MYO1E: variants seen among roughly 807,000 people sequenced by gnomAD.
The protein encoded by MYO1E is myosin IE.
Under a neutral mutation model 151.1 loss-of-function variants are expected in MYO1E, and 68 were observed. The ratio of observed to expected loss-of-function variants is 0.45; its 90% CI spans 0.37 to 0.55. The LOEUF is 0.55. Among genes scored for constraint, MYO1E ranks in the 20% least tolerant of loss-of-function variants. The pLI is 0.00. For missense variants in MYO1E, 1,363 were observed against 1,389.3 expected (o/e 0.98, Z 0.30); for synonymous variants, 601 against 501.7 (o/e 1.20, Z -2.64).
At chr15:59,335,686 T>C (rs1431593091) in intron 1 of MYO1E, among the ~76,000 whole-genome samples, 1 of 152,144 alleles carries the variant, frequency 6.6e-6, no homozygotes, top group East Asian at 1.9e-4. Context: ...ATATTAGACC[T>C]CATGCCTCAG....
intron 1 of MYO1E, among the ~76,000 whole-genome samples, chr15:59,277,905 C>T (rs2140386720): frequency 6.6e-6 from 1 of 152,264 alleles, no homozygotes; most frequent in African/African-American, 2.4e-5. Context: ...TTTGTTGGTA[C>T]TTTTGGGGAG....
intron 5 of MYO1E, among the ~76,000 whole-genome samples, chr15:59,236,363 A>AAAAAAT (rs1387709265): frequency 2.1e-4 from 13 of 60,812 alleles, no homozygotes; most frequent in African/African-American, 5.7e-4. Context: ...AAAAAAAAAA[A>AAAAAAT]ATATATACAC....
intron 5 of MYO1E, among the ~76,000 whole-genome samples, chr15:59,235,911 T>G (rs1201062208): frequency 7.2e-5 from 11 of 152,248 alleles, no homozygotes; most frequent in African/African-American, 2.7e-4. Flanking sequence ...TGCATTTTTC[T>G]TCTTATCATG....
chr15:59,342,079 G>A (rs1437569715), intron 1 of MYO1E, among the ~76,000 whole-genome samples: 7 of 152,192 alleles, frequency 4.6e-5, no homozygotes, highest in Non-Finnish European at 7.3e-5. Context: ...TTTTACTTGG[G>A]TGAGATGATA....
At chr15:59,187,802 G>C (rs2079707660) in intron 18 of MYO1E, among the ~76,000 whole-genome samples, 1 of 152,232 alleles carries the variant, frequency 6.6e-6, no homozygotes, top group Non-Finnish European at 1.5e-5. Flanking sequence ...TATGTTCAGT[G>C]AAAGAAGTCA....
intron 18 of MYO1E, among the ~76,000 whole-genome samples, chr15:59,178,801 C>T (rs1391708499): frequency 1.3e-5 from 2 of 152,230 alleles, no homozygotes; most frequent in Admixed American, 6.5e-5. Context: ...AACCTGCGTA[C>T]TCTTTCTACC....
intron 18 of MYO1E, among the ~76,000 whole-genome samples, 187 bp downstream of exon 18, chr15:59,187,931 C>T (rs1181495443): frequency 1.3e-5 from 2 of 152,122 alleles, no homozygotes; most frequent in Non-Finnish European, 2.9e-5. Context: ...AGGTTGACAA[C>T]AAAGGGAAGC....
chr15:59,348,875 CCCACCTAGGCCTCCCA>C (rs1226472329), intron 1 of MYO1E: 1 of 152,246 alleles, frequency 6.6e-6, no homozygotes, highest in African/African-American at 2.4e-5. Context: ...AGGTGATCCG[CCCACCTAGGCCTCCCA>C]AAGTGCTGGG....
At chr15:59,175,972 A>G (rs1317664400) in intron 19 of MYO1E, among the ~76,000 whole-genome samples, 6 of 152,234 alleles carry the variant, frequency 3.9e-5, no homozygotes, top group Admixed American at 3.3e-4. Context: ...AACACACAAA[A>G]CAACCTTAAA....
In MYO1E at chr15:59,281,276, C is replaced by CT. The variant is rs1462934359; in HGVS notation, c.4-8828dup. On this transcript the variant is annotated intron_variant, in intron 1 of 27. Transcript: ENST00000288235. ...TTTCCTTTTCTTTTCTTTTTCTTTTCTTTCTTTTTTTTTTTCTGAGAAAGA... is the reference window on the plus strand; with the variant it reads ...TTTCCTTTTCTTTTCTTTTTCTTTTCTTTTCTTTTTTTTTTTCTGAGAAAGA... Among the ~76,000 whole-genome samples the CT allele has an allele frequency of 6.8e-4, 101 of 148,570 alleles. 1 individual carries two copies. The highest frequency in any genetic ancestry group is 7.0e-3 in the Middle Eastern group (2 of 284).
chr15:59,247,356 G>A (rs1182712865), intron 4 of MYO1E, among the ~76,000 whole-genome samples: 1 of 152,154 alleles, frequency 6.6e-6, no homozygotes, highest in African/African-American at 2.4e-5. Context: ...TGGGAAATTT[G>A]AGACCTAGAG....
intron 6 of MYO1E, among the ~76,000 whole-genome samples, chr15:59,231,149 G>A (rs1444823857): frequency 6.6e-6 from 1 of 152,222 alleles, no homozygotes; most frequent in African/African-American, 2.4e-5. Context: ...GTCACTTTGG[G>A]ATGTCGTTAG....
intron 1 of MYO1E, among the ~76,000 whole-genome samples, chr15:59,348,236 G>A (rs1382430338): frequency 1.3e-5 from 2 of 152,150 alleles, no homozygotes; most frequent in African/African-American, 4.8e-5. Flanking sequence ...CTTACCTTTT[G>A]TAAAGTCCCC....
intron 1 of MYO1E, among the ~76,000 whole-genome samples, chr15:59,340,806 G>A (rs765836699): frequency 2.2e-4 from 34 of 151,702 alleles, no homozygotes; most frequent in East Asian, 1.9e-4. Context: ...GGAGGATCAC[G>A]AGGTCAGCAG....
At chr15:59,313,138 C>T (rs375475922) in intron 1 of MYO1E, among the ~76,000 whole-genome samples, 36 of 152,316 alleles carry the variant, frequency 2.4e-4, no homozygotes, top group African/African-American at 8.7e-4. Context: ...AGTGAGAAGA[C>T]TTATAAATAA....
chr15:59,180,904 C>A (rs2079654599), intron 18 of MYO1E, among the ~76,000 whole-genome samples: 1 of 152,184 alleles, frequency 6.6e-6, no homozygotes, highest in African/African-American at 2.4e-5. Flanking sequence ...GTTTAAGACT[C>A]AAATATGCTA....
intron 1 of MYO1E, among the ~76,000 whole-genome samples, chr15:59,326,826 A>C (rs1159522580): frequency 2.0e-5 from 3 of 152,236 alleles, no homozygotes; most frequent in Non-Finnish European, 4.4e-5. Context: ...AGGACATTGG[A>C]AACACAACTC....
intron 16 of MYO1E, 96 bp from the exon 17 acceptor site, chr15:59,195,663 G>T: frequency 2.6e-6 from 3 of 1,145,294 alleles, no homozygotes; most frequent in Middle Eastern, 1.9e-4. Flanking sequence ...GAAATACATA[G>T]CTAGGAATTA....
At chr15:59,179,433 G>A (rs1426075635) in intron 18 of MYO1E, among the ~76,000 whole-genome samples, 1 of 152,166 alleles carries the variant, frequency 6.6e-6, no homozygotes, top group African/African-American at 2.4e-5. Flanking sequence ...GGCTCCTGCT[G>A]TACATCCAGA....
Sources: allele counts gnomAD v4.1 joint callset (sites outside exome capture counted in the v4.1 genomes callset), GRCh38; gene constraint gnomAD v4.1.1; transcripts MANE v1.5; gene names NCBI Gene and HGNC (gene_info 2026-07-23, HGNC 2026-07-21).